ALPL: variants seen among roughly 807,000 people sequenced by gnomAD.
ALPL encodes the protein alkaline phosphatase, biomineralization associated.
A neutral mutation model predicts 51.3 loss-of-function variants in ALPL; 42 were observed. That is an observed-to-expected ratio of 0.82 (90% CI 0.64 to 1.06). The LOEUF (loss-of-function observed/expected upper bound fraction) is 1.06, where lower values mean the gene tolerates loss of function less well. Among genes scored for constraint, ALPL ranks in the 50% least tolerant of loss-of-function variants. The probability of loss-of-function intolerance (pLI) is 0.00; values close to 1 mark genes in which losing one functional copy is unlikely to be tolerated. For missense variants in ALPL, 589 were observed against 709.4 expected (o/e 0.83, Z 1.93); for synonymous variants, 279 against 296.4 (o/e 0.94, Z 0.60).
intron 1 of ALPL, among the ~76,000 whole-genome samples, chr1:21,528,432 C>G (rs12037984): frequency 0.28 from 42,351 of 148,734 alleles, 6,591 homozygotes; most frequent in South Asian, 0.43. Context: ...ACCGCAACCT[C>G]TGCCTCCTGG....
intron 1 of ALPL, among the ~76,000 whole-genome samples, chr1:21,517,509 CA>C (rs1332471226): frequency 6.6e-6 from 1 of 152,114 alleles, no homozygotes; most frequent in Non-Finnish European, 1.5e-5. Context: ...TGGGAGGCCC[CA>C]GGGGGAGGAG....
At chr1:21,515,959 G>A (rs1184222366) in intron 1 of ALPL, among the ~76,000 whole-genome samples, 1 of 152,190 alleles carries the variant, frequency 6.6e-6, no homozygotes, top group East Asian at 1.9e-4. Context: ...CTACAGTGCA[G>A]CCTTGACTTC....
chr1:21,560,723 T>A lies in ALPL; in HGVS notation c.159T>A (p.Asn53Lys), dbSNP rs774859071. The A allele has an allele frequency of 6.2e-7, 1 of 1,614,078 alleles. No homozygotes were observed. Among genetic ancestry groups the A allele is most frequent in the Non-Finnish European group, 8.5e-7 (1 of 1,180,018 alleles). ...LQKLNTNVAKNVIMFLGDGMG... is the reference protein window; with the variant it reads ...LQKLNTNVAKKVIMFLGDGMG... ...AGCTCAACACCAACGTGGCTAAGAA[T>A]GTCATCATGTTCCTGGGAGATGGTG... Residue 53 changes from asparagine to lysine, a missense_variant, in exon 3 of 12, where the codon AAT becomes AAA. By Grantham distance (94) the Asn-to-Lys change is moderately conservative. Coordinates refer to ENST00000374840, the MANE Select transcript of ALPL (RefSeq NM_000478.6).
intron 1 of ALPL, among the ~76,000 whole-genome samples, chr1:21,516,304 A>G (rs1188176163): frequency 6.6e-6 from 1 of 152,096 alleles, no homozygotes; most frequent in African/African-American, 2.4e-5. Context: ...TGGTGAGAAA[A>G]TGTCTCATCT....
chr1:21,570,827 T>C (rs1644637372), intron 8 of ALPL, among the ~76,000 whole-genome samples: 1 of 152,122 alleles, frequency 6.6e-6, no homozygotes, highest in Admixed American at 6.5e-5. Flanking sequence ...GGGGAGCATG[T>C]GGTGAGGGCC....
chr1:21,552,120 T>TCCCC (rs1558542118), intron 1 of ALPL, among the ~76,000 whole-genome samples: 30 of 13,172 alleles, frequency 2.3e-3, no homozygotes, highest in African/African-American at 6.4e-3. Context: ...CCCCTTCCCT[T>TCCCC]TCCTCCCTCC....
chr1:21,541,726 CA>C (rs1644188786), intron 1 of ALPL, among the ~76,000 whole-genome samples: 1 of 152,076 alleles, frequency 6.6e-6, no homozygotes, highest in Admixed American at 6.6e-5. Flanking sequence ...AGGGAGAGGG[CA>C]GGGGGAGGGA....
At chr1:21,513,325 C>G (rs1039463564) in intron 1 of ALPL, among the ~76,000 whole-genome samples, 1 of 152,190 alleles carries the variant, frequency 6.6e-6, no homozygotes, top group African/African-American at 2.4e-5. Flanking sequence ...AAGGCAACCA[C>G]TCTCCTGAAT....
chr1:21,546,907 A>G (rs1295254836), intron 1 of ALPL, among the ~76,000 whole-genome samples: 1 of 152,214 alleles, frequency 6.6e-6, no homozygotes, highest in Non-Finnish European at 1.5e-5. Flanking sequence ...TCAGATTTCT[A>G]GGCCCATAGA....
At chr1:21,528,836 G>A (rs75955217) in intron 1 of ALPL, among the ~76,000 whole-genome samples, 19,539 of 151,104 alleles carry the variant, frequency 0.13, 1,808 homozygotes, top group East Asian at 0.48. Flanking sequence ...TTGGGAGGCC[G>A]AGGTGGGCGG....
chr1:21,575,509 C>G (rs1182416645), intron 9 of ALPL, among the ~76,000 whole-genome samples: 1 of 152,204 alleles, frequency 6.6e-6, no homozygotes, highest in Non-Finnish European at 1.5e-5. Flanking sequence ...TTTGCAGCCC[C>G]CATGCATGTG....
In ALPL at chr1:21,577,646, T is replaced by C. The variant is rs907406095; in HGVS notation, c.1573T>C (p.Ter525ArgextTer11). ...LALYPLSVLF[*>R] ...CCTCTACCCCCTGAGCGTCCTGTTCTGAGGGCCCAGGGCCCGGGCACCCAC... is the reference window on the plus strand; with the variant it reads ...CCTCTACCCCCTGAGCGTCCTGTTCCGAGGGCCCAGGGCCCGGGCACCCAC... Residue 525 changes from the stop codon to arginine (R), a stop_lost, in exon 12 of 12, where the codon TGA becomes CGA. Coordinates refer to ENST00000374840, the MANE Select transcript of ALPL (RefSeq NM_000478.6). 3 of 1,596,866 alleles carry C rather than the reference T, an allele frequency of 1.9e-6. No individual in the cohort carries two copies. Among genetic ancestry groups the C allele is most frequent in the East Asian group, 2.2e-5 (1 of 44,700 alleles).
At position 21,554,847 on chromosome 1, in the gene ALPL, TTCTTTCTTTCTTTC is replaced by T. The variant is rs1447568264; in HGVS notation, c.61+707_61+720del. Among the ~76,000 whole-genome samples, 1,180 of 137,692 alleles carry T rather than the reference TTCTTTCTTTCTTTC, an allele frequency of 8.6e-3. 32 individuals are homozygous for T. Among genetic ancestry groups the T allele is most frequent in the African/African-American group, 0.029 (1,124 of 38,422 alleles). The allele number at this position is 137,692 out of a possible 152,430, so 90.3% of individuals were successfully genotyped here. On this transcript the variant is annotated intron_variant, in intron 2 of 11. Transcript: ENST00000374840. ...TTTCTTTCTTTCTTTCTTTCTTTCT[TTCTTTCTTTCTTTC>T]TTTCTTTCTTTCTCTCTTTCTTTCT... is the stretch of plus-strand genomic sequence containing the variant.
chr1:21,575,881 C>CTTCA lies in ALPL; in HGVS notation c.1147_1150dup (p.Thr384IlefsTer22). The stretch of plus-strand genomic sequence containing the variant: ...TGGTCACTGCGGACCATTCCCACGT[C>CTTCA]TTCACATTTGGTGGATACACCCCCC... On this transcript the variant is annotated frameshift_variant, in exon 10 of 12. Transcript: ENST00000374840. LOFTEE classifies it high-confidence loss of function. 3 of 1,614,222 alleles carry CTTCA rather than the reference C, an allele frequency of 1.9e-6. No individual in the cohort carries two copies. Among genetic ancestry groups the CTTCA allele is most frequent in the Non-Finnish European group, 2.5e-6 (3 of 1,180,048 alleles).
chr1:21,563,429 T>C (rs1473427449), intron 5 of ALPL, 145 bp downstream of exon 5: 5 of 1,107,266 alleles, frequency 4.5e-6, no homozygotes, highest in East Asian at 2.6e-5. Context: ...GTAATATCCA[T>C]GGGATTCCTT....
intron 1 of ALPL, among the ~76,000 whole-genome samples, chr1:21,538,371 C>T (rs976657814): frequency 3.9e-5 from 6 of 152,218 alleles, no homozygotes; most frequent in Admixed American, 3.9e-4. Context: ...CCTTCTGTGG[C>T]CGGCTGGAGC....
At chr1:21,535,811 C>G (rs1415003797) in intron 1 of ALPL, among the ~76,000 whole-genome samples, 4 of 152,148 alleles carry the variant, frequency 2.6e-5, no homozygotes, top group African/African-American at 9.7e-5. Flanking sequence ...ACTCCAATGA[C>G]TAGGAGAAAA....
At position 21,575,944 on chromosome 1, in the gene ALPL, G is replaced by A. The variant is rs1644725170; in HGVS notation, c.1189+20G>A. 6.2e-7 allele frequency: 1 copy of A among 1,614,046 alleles called. No individual in the cohort carries two copies. Among genetic ancestry groups the A allele is most frequent in the Middle Eastern group, 1.6e-4 (1 of 6,062 alleles). ...TCTTTGGTAGGTGGGCCTTCTTTGG[G>A]GTGGACACTCCTGGGGTCTCCTGTC... is the stretch of plus-strand genomic sequence containing the variant. On this transcript the variant is annotated intron_variant, in intron 10 of 11. Transcript: ENST00000374840.
intron 1 of ALPL, among the ~76,000 whole-genome samples, chr1:21,522,135 A>ATG (rs1643888850): frequency 6.7e-6 from 1 of 149,408 alleles, no homozygotes; most frequent in Non-Finnish European, 1.5e-5. Flanking sequence ...GCAGTGGCGC[A>ATG]ATCTCGGCTC....
Sources: allele counts gnomAD v4.1 joint callset (sites outside exome capture counted in the v4.1 genomes callset), GRCh38; gene constraint gnomAD v4.1.1; transcripts MANE v1.5; gene names NCBI Gene and HGNC (gene_info 2026-07-23, HGNC 2026-07-21).